DLG2: variants seen among roughly 807,000 people sequenced by gnomAD.
DLG2 encodes the protein discs large MAGUK scaffold protein 2, also known as disks large homolog 2.
In DLG2, 45 loss-of-function variants were observed where a neutral mutation model predicts 132.5. The observed-to-expected ratio is 0.34, with a 90% CI of 0.27 to 0.44. The LOEUF (loss-of-function observed/expected upper bound fraction) is 0.44, where lower values mean the gene tolerates loss of function less well. DLG2 is among the 20% of genes least tolerant of loss of function. The pLI is 1.00. For missense variants in DLG2, 1,045 were observed against 1,196.9 expected (o/e 0.87, Z 1.87); for synonymous variants, 424 against 419.6 (o/e 1.01, Z -0.13).
intron 6 of DLG2, chr11:84,887,413 C>T (rs561488205): frequency 6.6e-6 from 1 of 152,148 alleles, no homozygotes; most frequent in South Asian, 2.1e-4. Flanking sequence ...TATCACTGAC[C>T]ATCTGGTTAT....
At chr11:85,472,896 T>C (rs1244214689) in intron 3 of DLG2, among the ~76,000 whole-genome samples, 1 of 152,216 alleles carries the variant, frequency 6.6e-6, no homozygotes, top group Non-Finnish European at 1.5e-5. Flanking sequence ...TTCACTGTGC[T>C]GCTGGAAGCA....
intron 6 of DLG2, among the ~76,000 whole-genome samples, chr11:84,580,855 G>A (rs1327533129): frequency 6.6e-6 from 1 of 152,142 alleles, no homozygotes; most frequent in Non-Finnish European, 1.5e-5. Flanking sequence ...GTTACCTGCT[G>A]CCTGGAAAAT....
At chr11:84,395,491 A>T (rs937377326) in intron 7 of DLG2, among the ~76,000 whole-genome samples, 4 of 151,980 alleles carry the variant, frequency 2.6e-5, no homozygotes, top group African/African-American at 9.7e-5. Context: ...ATCTCGGCTC[A>T]CTGCAGTCTT....
At chr11:84,991,278 G>C (rs2374604) in intron 6 of DLG2, among the ~76,000 whole-genome samples, 23,251 of 152,132 alleles carry the variant, frequency 0.15, 1,948 homozygotes, top group East Asian at 0.3. Context: ...GGGGGACTGA[G>C]GCGGGAGGAT....
chr11:85,244,677 AATAG>A (rs1361833799), intron 4 of DLG2, among the ~76,000 whole-genome samples: 1 of 152,004 alleles, frequency 6.6e-6, no homozygotes, highest in East Asian at 1.9e-4. Flanking sequence ...GCACTAAGGA[AATAG>A]ATAGTTCCAG....
intron 21 of DLG2, among the ~76,000 whole-genome samples, chr11:83,517,601 T>G (rs910866254): frequency 5.3e-5 from 8 of 152,296 alleles, no homozygotes; most frequent in Non-Finnish European, 7.4e-5. Flanking sequence ...GGTGATCTGA[T>G]TCTTAGAATT....
intron 3 of DLG2, among the ~76,000 whole-genome samples, chr11:85,400,074 C>T (rs893724773): frequency 2.6e-5 from 4 of 151,766 alleles, no homozygotes; most frequent in Admixed American, 2.6e-4. Context: ...AGAACTCAAA[C>T]AAATTTACAA....
Position 84,892,914 on chromosome 11 carries a change from A to G in DLG2, c.357+218747T>C, listed in dbSNP as rs1008323618. On this transcript the variant is annotated intron_variant, in intron 6 of 27. Coordinates refer to ENST00000376104, the MANE Select transcript of DLG2 (RefSeq NM_001142699.3). ...AAGAGAAGAGAAGAAAAAACAAACC[A>G]GAGAATAAGGCAGGTTTTCCACAGC... Among the ~76,000 whole-genome samples the G allele has an allele frequency of 3.3e-5, 5 of 152,160 alleles. No individual in the cohort carries two copies. The South Asian group carries it at 1.0e-3, about 32-fold the overall frequency.
intron 7 of DLG2, among the ~76,000 whole-genome samples, chr11:84,509,955 C>T: frequency 6.6e-6 from 1 of 151,422 alleles, no homozygotes; most frequent in South Asian, 2.1e-4. Flanking sequence ...TAAATTAAAC[C>T]TTATATATGA....
intron 10 of DLG2, among the ~76,000 whole-genome samples, chr11:84,065,369 G>GA (rs201363618): frequency 0.01 from 1,572 of 151,956 alleles, 14 homozygotes; most frequent in Non-Finnish European, 0.013. Flanking sequence ...AAATTTACAA[G>GA]GAAAAACCAA....
At chr11:84,722,197 G>A (rs2153799094) in intron 6 of DLG2, among the ~76,000 whole-genome samples, 1 of 152,248 alleles carries the variant, frequency 6.6e-6, no homozygotes, top group South Asian at 2.1e-4. Flanking sequence ...CATGAATGTG[G>A]TAATTCCAAG....
At chr11:83,828,017 T>C (rs2053385523) in intron 17 of DLG2, among the ~76,000 whole-genome samples, 1 of 152,166 alleles carries the variant, frequency 6.6e-6, no homozygotes, top group South Asian at 2.1e-4. Context: ...TCTTTGAGCA[T>C]CTTAAATATT....
intron 15 of DLG2, among the ~76,000 whole-genome samples, chr11:83,926,756 C>T (rs533982664): frequency 1.6e-4 from 24 of 152,032 alleles, no homozygotes; most frequent in South Asian, 8.3e-4. Context: ...CATCTACTTC[C>T]GAGGGTCTAT....
At position 84,430,472 on chromosome 11, in the gene DLG2, G is replaced by C. The variant is rs185862021; in HGVS notation, c.519+104098C>G. 4.5e-4 allele frequency among the ~76,000 whole-genome samples: 67 copies of C among 150,474 alleles called. 1 individual carries two copies. Among genetic ancestry groups the C allele is most frequent in the African/African-American group, 1.6e-3 (64 of 40,738 alleles). On this transcript the variant is annotated intron_variant, in intron 7 of 27. Coordinates refer to ENST00000376104, the MANE Select transcript of DLG2 (RefSeq NM_001142699.3). ...AAAGAAAAGAAAAAAAAAAGAGAAG[G>C]AAATGCAGCTAATAAGAGTACCTCA...
At chr11:85,376,815 G>A (rs1029098273) in intron 3 of DLG2, among the ~76,000 whole-genome samples, 2 of 152,160 alleles carry the variant, frequency 1.3e-5, no homozygotes, top group Non-Finnish European at 2.9e-5. Context: ...GATAGTGAGA[G>A]TGATACCCCA....
At chr11:84,971,118 G>A (rs560027969) in intron 6 of DLG2, among the ~76,000 whole-genome samples, 2 of 152,148 alleles carry the variant, frequency 1.3e-5, no homozygotes, top group Non-Finnish European at 2.9e-5. Context: ...AATAACATGA[G>A]AGGTACAAAG....
In DLG2 at chr11:84,533,872, C is replaced by G. The variant is rs186615580; in HGVS notation, c.519+698G>C. Among the ~76,000 whole-genome samples, 318 of 117,848 alleles carry G rather than the reference C, an allele frequency of 2.7e-3. 4 individuals carry two copies. The highest frequency in any genetic ancestry group is 9.5e-3 in the African/African-American group (293 of 30,892). 77.3% of individuals were successfully genotyped at this position (117,848 alleles called of 152,430 possible). A position where few individuals can be genotyped will look rare whatever the true frequency, so the allele number is the denominator to read the frequency against. On this transcript the variant is annotated intron_variant, in intron 7 of 27. Coordinates refer to ENST00000376104, the MANE Select transcript of DLG2 (RefSeq NM_001142699.3). ...TAATCAACCTTTATAAGCTTTTTAT[C>G]CCAAACACAAAATCCAGTAGCGCCA...
At chr11:85,489,634 T>C (rs1368831115) in intron 3 of DLG2, among the ~76,000 whole-genome samples, 1 of 152,232 alleles carries the variant, frequency 6.6e-6, no homozygotes, top group African/African-American at 2.4e-5. Flanking sequence ...TTCTCTAAGA[T>C]GAACCATATG....
Position 85,065,594 on chromosome 11 carries a change from A to G in DLG2, c.357+46067T>C, listed in dbSNP as rs1044772450. On this transcript the variant is annotated intron_variant, in intron 6 of 27. Coordinates refer to ENST00000376104, the MANE Select transcript of DLG2 (RefSeq NM_001142699.3). ...TTTTTATTATACTTTAAGTTCTGGGATAAAATAACATATCAGGCATTTTAT... is the reference window on the plus strand; with the variant it reads ...TTTTTATTATACTTTAAGTTCTGGGGTAAAATAACATATCAGGCATTTTAT... 4.6e-5 allele frequency among the ~76,000 whole-genome samples: 7 copies of G among 151,112 alleles called. No individual in the cohort carries two copies. In the East Asian group the frequency reaches 1.4e-3, roughly 29 times the overall value.
Sources: gnomAD v4.1 joint callset for allele counts (sites outside exome capture counted in the v4.1 genomes callset) on GRCh38, gnomAD v4.1.1 for gene constraint, MANE v1.5 for transcripts, NCBI Gene and HGNC (gene_info 2026-07-23, HGNC 2026-07-21) for gene names.